CYYR1: variants seen among roughly 807,000 people sequenced by gnomAD.
CYYR1 encodes cysteine and tyrosine-rich protein 1.
A neutral mutation model predicts 15.2 loss-of-function variants in CYYR1; 14 were observed. The ratio of observed to expected loss-of-function variants is 0.92; its 90% confidence interval spans 0.61 to 1.44. CYYR1 has a LOEUF of 1.44. Ranked by LOEUF, CYYR1 falls within the 40% of genes most tolerant of loss-of-function variation. CYYR1 has a pLI of 0.00. For missense variants in CYYR1, 228 were observed against 209.5 expected (o/e 1.09, Z -0.54); for synonymous variants, 80 against 77.4 (o/e 1.03, Z -0.18).
At chr21:26,562,227 T>C (rs1980250304) in intron 2 of CYYR1, among the ~76,000 whole-genome samples, 1 of 152,180 alleles carries the variant, frequency 6.6e-6, no homozygotes, top group Non-Finnish European at 1.5e-5. Flanking sequence ...GAGAAATAAT[T>C]ATAAGGTCAC....
intron 2 of CYYR1, among the ~76,000 whole-genome samples, chr21:26,492,897 A>C (rs1165562841): frequency 6.6e-6 from 1 of 152,092 alleles, no homozygotes; most frequent in Non-Finnish European, 1.5e-5. Context: ...ATGAGATCAG[A>C]GAGGACGGCA....
chr21:26,471,553 G>C (rs920014848), intron 3 of CYYR1: 1 of 152,110 alleles, frequency 6.6e-6, no homozygotes, highest in Non-Finnish European at 1.5e-5. Flanking sequence ...TTAAAGAGTG[G>C]TATTTTGAGG....
chr21:26,561,650 G>A (rs551377525), intron 2 of CYYR1, among the ~76,000 whole-genome samples: 109 of 152,160 alleles, frequency 7.2e-4, no homozygotes, highest in African/African-American at 2.6e-3. Flanking sequence ...GGGATTTTAT[G>A]TTGGCCAGAT....
intron 2 of CYYR1, among the ~76,000 whole-genome samples, chr21:26,536,071 A>G (rs1261860330): frequency 1.3e-5 from 2 of 152,180 alleles, no homozygotes; most frequent in Admixed American, 1.3e-4. Context: ...GTGAAGGGGA[A>G]GCAAGCATGT....
rs989523969 is a variant in CYYR1 at position 26,545,368 on chromosome 21, T to C, written c.176+20898A>G. Among the ~76,000 whole-genome samples, 30 of 152,088 alleles carry C rather than the reference T, an allele frequency of 2.0e-4. 1 individual carries two copies. Among genetic ancestry groups the C allele is most frequent in the Admixed American group, 1.6e-3 (24 of 15,280 alleles). On this transcript the variant is annotated intron_variant, in intron 2 of 3. Coordinates refer to ENST00000652641, the MANE Select transcript of CYYR1 (RefSeq NM_001320768.2). ...TCACCTCCTCAGGGCCTCTTCTGTG[T>C]TCATCCCTGACCATCCAGTGGGAAG... is the stretch of plus-strand genomic sequence containing the variant.
intron 2 of CYYR1, among the ~76,000 whole-genome samples, chr21:26,488,486 A>C (rs1382092431): frequency 6.6e-6 from 1 of 152,040 alleles, no homozygotes; most frequent in Non-Finnish European, 1.5e-5. Context: ...CTCCTGAGGT[A>C]AAGCAATCTG....
At chr21:26,522,281 GA>G (rs1195799723) in intron 2 of CYYR1, among the ~76,000 whole-genome samples, 2 of 152,142 alleles carry the variant, frequency 1.3e-5, no homozygotes, top group Non-Finnish European at 2.9e-5. Flanking sequence ...AAGTGGACTT[GA>G]AAGTCCCTAA....
intron 2 of CYYR1, among the ~76,000 whole-genome samples, chr21:26,489,253 C>T (rs993756978): frequency 6.6e-6 from 1 of 152,048 alleles, no homozygotes; most frequent in Non-Finnish European, 1.5e-5. Context: ...AAGTAGTATA[C>T]AAAATGAGAA....
chr21:26,523,351 G>T (rs558903445), intron 2 of CYYR1, among the ~76,000 whole-genome samples: 1 of 152,224 alleles, frequency 6.6e-6, no homozygotes, highest in Non-Finnish European at 1.5e-5. Flanking sequence ...TAATTCCAAA[G>T]TTGTGTCTCT....
chr21:26,539,006 A>G (rs964506107), intron 2 of CYYR1, among the ~76,000 whole-genome samples: 2 of 152,158 alleles, frequency 1.3e-5, no homozygotes, highest in East Asian at 1.9e-4. Flanking sequence ...GTGAAAATGC[A>G]ATTTGGAGAT....
rs140450184 is a variant in CYYR1 at position 26,558,252 on chromosome 21, G to T, written c.176+8014C>A. On this transcript the variant is annotated intron_variant, in intron 2 of 3. Coordinates refer to ENST00000652641, the MANE Select transcript of CYYR1 (RefSeq NM_001320768.2). ...TTCCATTGCCTTTTTTTAATTACAA[G>T]AATTTTCAAACATATAAGAATCATA... 1.6e-4 allele frequency among the ~76,000 whole-genome samples: 24 copies of T among 152,144 alleles called. No homozygotes were observed. In the East Asian group the frequency reaches 4.4e-3, roughly 28 times the overall value.
chr21:26,549,493 GTCATT>G (rs1979225439), intron 2 of CYYR1, among the ~76,000 whole-genome samples: 1 of 151,928 alleles, frequency 6.6e-6, no homozygotes, highest in African/African-American at 2.4e-5. Flanking sequence ...AATTATTTTA[GTCATT>G]TTCATCACAA....
chr21:26,527,297 C>A (rs2123588112), intron 2 of CYYR1, among the ~76,000 whole-genome samples: 1 of 152,286 alleles, frequency 6.6e-6, no homozygotes. Context: ...TTGGAATTAA[C>A]CAGGCATAAT....
At chr21:26,499,931 G>A (rs556088608) in intron 2 of CYYR1, among the ~76,000 whole-genome samples, 1 of 151,740 alleles carries the variant, frequency 6.6e-6, no homozygotes, top group South Asian at 2.1e-4. Flanking sequence ...ACCCAAAATA[G>A]GGCAATGTCT....
At chr21:26,515,126 C>G (rs992993262) in intron 2 of CYYR1, among the ~76,000 whole-genome samples, 1 of 152,222 alleles carries the variant, frequency 6.6e-6, no homozygotes, top group Non-Finnish European at 1.5e-5. Flanking sequence ...TATGTGCCAA[C>G]AGGCACGTTA....
At chr21:26,469,306 C>A (rs116168790) in intron 3 of CYYR1, among the ~76,000 whole-genome samples, 1,763 of 151,832 alleles carry the variant, frequency 0.012, 25 homozygotes, top group African/African-American at 0.04. Context: ...AAGTACAGGA[C>A]TCCTATAATT....
chr21:26,481,763 T>C (rs1338083974), intron 2 of CYYR1, among the ~76,000 whole-genome samples: 1 of 151,924 alleles, frequency 6.6e-6, no homozygotes, highest in Non-Finnish European at 1.5e-5. Flanking sequence ...TGAATACTAA[T>C]TCAATTAATT....
At chr21:26,527,744 G>T (rs2065885136) in intron 2 of CYYR1, among the ~76,000 whole-genome samples, 1 of 152,144 alleles carries the variant, frequency 6.6e-6, no homozygotes, top group South Asian at 2.1e-4. Context: ...CTAAATTCAG[G>T]TTTGAGGTAT....
intron 2 of CYYR1, among the ~76,000 whole-genome samples, chr21:26,503,031 G>T (rs1418953085): frequency 1.3e-5 from 2 of 152,162 alleles, no homozygotes; most frequent in Non-Finnish European, 2.9e-5. Flanking sequence ...CAAGGAAAAT[G>T]CAAGTAGATG....
Sources: allele counts gnomAD v4.1 joint callset (sites outside exome capture counted in the v4.1 genomes callset), GRCh38; gene constraint gnomAD v4.1.1; transcripts MANE v1.5; gene names NCBI Gene and HGNC (gene_info 2026-07-23, HGNC 2026-07-21).